The following SMARCA4 variants were observed in gnomAD, a reference collection of about 807,000 sequenced individuals.
The protein encoded by SMARCA4 is SWI/SNF related BAF chromatin remodeling complex subunit ATPase 4.
A neutral mutation model predicts 193.9 loss-of-function variants in SMARCA4; 31 were observed. That is an observed-to-expected ratio of 0.16 (90% confidence interval 0.12 to 0.22). The LOEUF (loss-of-function observed/expected upper bound fraction) is 0.22. Ranked by LOEUF, SMARCA4 falls within the 10% of genes least tolerant of loss-of-function variation. The probability of loss-of-function intolerance (pLI) is 1.00; values close to 1 mark genes in which losing one functional copy is unlikely to be tolerated. For missense variants in SMARCA4, 1,148 were observed against 2,296.0 expected (o/e 0.50, Z 10.22); for synonymous variants, 942 against 933.1 (o/e 1.01, Z -0.17).
chr19:10,992,377 A>G (rs1019327619), intron 8 of SMARCA4, among the ~76,000 whole-genome samples: 1 of 151,094 alleles, frequency 6.6e-6, no homozygotes, highest in African/African-American at 2.4e-5. Context: ...TTGGCCTCTC[A>G]AAGTGCTAAG....
chr19:10,975,763 C>T (rs765434189), intron 1 of SMARCA4, among the ~76,000 whole-genome samples: 20 of 152,208 alleles, frequency 1.3e-4, no homozygotes, highest in Non-Finnish European at 2.6e-4. Context: ...ACCTCCTGGA[C>T]TTTTAACTGA....
chr19:10,968,253 G>T (rs750096384), intron 1 of SMARCA4, among the ~76,000 whole-genome samples: 1 of 152,194 alleles, frequency 6.6e-6, no homozygotes, highest in Non-Finnish European at 1.5e-5. Flanking sequence ...CTTCCAAACT[G>T]CTGAGATTAC....
intron 1 of SMARCA4, among the ~76,000 whole-genome samples, chr19:10,971,709 C>T (rs886185782): frequency 8.6e-5 from 13 of 151,754 alleles, no homozygotes; most frequent in African/African-American, 2.4e-4. Context: ...CTCAAGTGAT[C>T]GACCTGCCTC....
chr19:11,009,829 C>T (rs1007228992), intron 14 of SMARCA4, among the ~76,000 whole-genome samples: 2 of 152,058 alleles, frequency 1.3e-5, no homozygotes, highest in Admixed American at 1.3e-4. Context: ...GCTGGGACTA[C>T]AGGCGCCTGC....
intron 29 of SMARCA4, chr19:11,039,382 C>G: frequency 2.5e-6 from 2 of 787,924 alleles, no homozygotes; most frequent in South Asian, 3.5e-5. Context: ...CCTAAATGCC[C>G]AAGAACAAGG....
chr19:10,990,816 C>T (rs1355359676), intron 7 of SMARCA4, among the ~76,000 whole-genome samples: 1 of 152,218 alleles, frequency 6.6e-6, no homozygotes, highest in Non-Finnish European at 1.5e-5. Flanking sequence ...ACCTTGGCCT[C>T]CCAAAGTGTT....
chr19:11,054,308 C>G (rs543806835), intron 30 of SMARCA4, among the ~76,000 whole-genome samples: 1 of 152,348 alleles, frequency 6.6e-6, no homozygotes, highest in African/African-American at 2.4e-5. Context: ...CTGGGCATGG[C>G]TGGTGTGTGC....
chr19:10,990,097 C>T lies in SMARCA4; in HGVS notation c.1245+654C>T, dbSNP rs116846068. Among the ~76,000 whole-genome samples, 19 of 152,276 alleles carry T rather than the reference C, an allele frequency of 1.2e-4. No homozygotes were observed. In the East Asian group the frequency reaches 3.5e-3, roughly 28 times the overall value. On this transcript the variant is annotated intron_variant, in intron 7 of 34. Coordinates refer to ENST00000344626, the MANE Select transcript of SMARCA4 (RefSeq NM_003072.5). ...CTTGACCTCCCAGGCTCATGTCCTC[C>T]TCCCGCTTCAGCCTCCTGAGTAGCT...
At chr19:11,001,604 A>G (rs1178587727) in intron 11 of SMARCA4, among the ~76,000 whole-genome samples, 1 of 152,158 alleles carries the variant, frequency 6.6e-6, no homozygotes, top group Non-Finnish European at 1.5e-5. Context: ...TGTGGAGTTG[A>G]AAGTCCCTGA....
intron 8 of SMARCA4, among the ~76,000 whole-genome samples, chr19:10,993,979 A>G (rs1409665621): frequency 1.3e-5 from 2 of 151,994 alleles, no homozygotes; most frequent in African/African-American, 4.8e-5. Flanking sequence ...GAGAAACCCA[A>G]CCGCGGCAGG....
intron 15 of SMARCA4, chr19:11,010,971 C>T (rs755771665): frequency 1.1e-5 from 3 of 266,520 alleles, no homozygotes; most frequent in African/African-American, 2.2e-5. Context: ...GCGTCAGGAG[C>T]TTAGATCTAG....
chr19:10,974,689 A>ATATATT (rs1568402484), intron 1 of SMARCA4, among the ~76,000 whole-genome samples: 1 of 37,162 alleles, frequency 2.7e-5, no homozygotes, highest in South Asian at 1.4e-3. Flanking sequence ...ATATATATAT[A>ATATATT]TTTTTTTTTT....
In SMARCA4 at chr19:11,026,326, C is replaced by T. The variant is rs1265970795; in HGVS notation, c.3195C>T (p.Phe1065=). The part of the protein sequence containing the change: ...IEESFSEHLG[F]TGGIVQGLDL... ...AGTCCTTTTCCGAGCACTTGGGGTT[C>T]ACTGGCGGCATTGTCCAAGGGTGAG... The change falls in exon 23 of 35, where the codon TTC becomes TTT. Residue 1065 remains phenylalanine, a synonymous_variant. Coordinates refer to ENST00000344626, the MANE Select transcript of SMARCA4 (RefSeq NM_003072.5). The T allele has an allele frequency of 6.2e-7, 1 of 1,613,898 alleles. No individual in the cohort carries two copies. Among genetic ancestry groups the T allele is most frequent in the East Asian group, 2.2e-5 (1 of 44,880 alleles).
At chr19:10,968,628 G>A (rs946125344) in intron 1 of SMARCA4, among the ~76,000 whole-genome samples, 2 of 152,086 alleles carry the variant, frequency 1.3e-5, no homozygotes, top group African/African-American at 2.4e-5. Flanking sequence ...GATTACAGGC[G>A]TGATCCACTG....
In SMARCA4 at chr19:11,019,084, G is replaced by A. The variant is rs2146363777; in HGVS notation, c.2505+61G>A. Reference sequence around the variant, plus strand: ...CGGAGGTGCAGGCGGTGGTGGGCAGGACGTCCACACATACCTCTGGACAGT... The same window carrying A: ...CGGAGGTGCAGGCGGTGGTGGGCAGAACGTCCACACATACCTCTGGACAGT... On this transcript the variant is annotated intron_variant, in intron 17 of 34. Coordinates refer to ENST00000344626, the MANE Select transcript of SMARCA4 (RefSeq NM_003072.5). The surrounding 1 kb of genome is among the most constrained non-coding windows in gnomAD (Gnocchi z 6.1). 8.0e-7 allele frequency: 1 copy of A among 1,251,368 alleles called. No individual in the cohort carries two copies. Among genetic ancestry groups the A allele is most frequent in the Non-Finnish European group, 1.2e-6 (1 of 849,044 alleles). The allele number at this position is 1,251,368 out of a possible 1,614,324, so 77.5% of individuals were successfully genotyped here. A position where few individuals can be genotyped will look rare whatever the true frequency, so the allele number is the denominator to read the frequency against.
rs1323906377 is a variant in SMARCA4, at chr19:11,058,088, A to T, written c.4425-167A>T. 6.6e-6 allele frequency among the ~76,000 whole-genome samples: 1 copy of T among 151,148 alleles called. No homozygotes were observed. Among genetic ancestry groups the T allele is most frequent in the African/African-American group, 2.4e-5 (1 of 41,338 alleles). ...ACCATTGCACTCCAGCCTGGGCAGC[A>T]AGAGCGAAACTCCGTCTCAAAAAAA... On this transcript the variant is annotated intron_variant, in intron 30 of 34. Coordinates refer to ENST00000344626, the MANE Select transcript of SMARCA4 (RefSeq NM_003072.5). The surrounding 1 kb of genome is among the most constrained non-coding windows in gnomAD (Gnocchi z 5.8).
At chr19:11,023,652 G>T (rs777151457) in intron 20 of SMARCA4, 21 bp downstream of exon 20, 1 of 1,489,868 alleles carries the variant, frequency 6.7e-7, no homozygotes, top group Non-Finnish European at 9.3e-7. Context: ...TTTGAGGGGA[G>T]CCACCAGTGA....
chr19:11,025,863 T>C (rs2090218161), intron 22 of SMARCA4, among the ~76,000 whole-genome samples: 1 of 152,096 alleles, frequency 6.6e-6, no homozygotes, highest in Non-Finnish European at 1.5e-5. Context: ...CCGTCTTCAG[T>C]GAAGTGTGGG....
At chr19:10,965,673 A>G (rs916463553) in intron 1 of SMARCA4, among the ~76,000 whole-genome samples, 79 of 152,166 alleles carry the variant, frequency 5.2e-4, no homozygotes, top group Admixed American at 5.0e-3. Context: ...GGTATAGCCT[A>G]TTGTTCCCAG....
Sources: allele counts gnomAD v4.1 joint callset (sites outside exome capture counted in the v4.1 genomes callset), GRCh38; gene constraint gnomAD v4.1.1; non-coding constraint Gnocchi (gnomAD v3.1); transcripts MANE v1.5; gene names NCBI Gene and HGNC (gene_info 2026-07-23, HGNC 2026-07-21).